Variants in C2CD2 observed in about 807,000 individuals in gnomAD.
The protein encoded by C2CD2 is C2 calcium dependent domain containing 2.
A neutral mutation model predicts 74.3 loss-of-function variants in C2CD2; 43 were observed. The ratio of observed to expected loss-of-function variants is 0.58; its 90% CI spans 0.45 to 0.75. The LOEUF (loss-of-function observed/expected upper bound fraction) is 0.75, where lower values mean the gene tolerates loss of function less well. C2CD2 is among the 30% of genes least tolerant of loss of function. The pLI, the probability that C2CD2 is intolerant of heterozygous loss-of-function variation, is 0.00. For synonymous variants in C2CD2, 422 were observed against 390.7 expected (o/e 1.08, Z -0.94); for missense variants, 801 against 916.3 (o/e 0.87, Z 1.63).
At chr21:41,902,521 T>C (rs573748708) in intron 11 of C2CD2, among the ~76,000 whole-genome samples, 1 of 152,358 alleles carries the variant, frequency 6.6e-6, no homozygotes, top group East Asian at 1.9e-4. Context: ...GCCCCAGAGC[T>C]GAGATGACCA....
rs2064972494 is a variant in C2CD2 at position 41,907,139 on chromosome 21, T to A, written c.1171A>T (p.Lys391Ter). The A allele has an allele frequency of 6.2e-7, 1 of 1,614,204 alleles. No individual in the cohort carries two copies. Among genetic ancestry groups the A allele is most frequent in the South Asian group, 1.1e-5 (1 of 91,084 alleles). Residue 391 changes from lysine (K) to a stop codon, truncating the protein, a stop_gained, in exon 10 of 14, where the codon AAA becomes TAA. Coordinates refer to ENST00000380486, the MANE Select transcript of C2CD2 (RefSeq NM_015500.2). LOFTEE classifies it high-confidence loss of function. Reference sequence around the variant, plus strand: ...ACAGGGGGAGGGATGGGCCAGGATTTCAATTCACCAGGTTCCATGTAAGAG... The same window carrying A: ...ACAGGGGGAGGGATGGGCCAGGATTACAATTCACCAGGTTCCATGTAAGAG... ...EFSYMEPGEL[K>*]SWPIPPPVPA...
In C2CD2 at chr21:41,942,258, G is replaced by A; in HGVS notation, c.280-13C>T. Reference sequence around the variant, plus strand: ...GGAAAGGTGGGCCCTGGAACAGAGGGGCAGCATGAGGAGGGCATGCACAGG... The same window carrying A: ...GGAAAGGTGGGCCCTGGAACAGAGGAGCAGCATGAGGAGGGCATGCACAGG... On this transcript the variant is annotated splice_polypyrimidine_tract_variant and intron_variant, in intron 1 of 13. Transcript: ENST00000380486. 1 of 1,543,214 alleles carries A rather than the reference G, an allele frequency of 6.5e-7. No individual in the cohort carries two copies. Among genetic ancestry groups the A allele is most frequent in the Non-Finnish European group, 8.8e-7 (1 of 1,140,740 alleles).
intron 5 of C2CD2, 26 bp downstream of exon 5, chr21:41,918,079 C>T (rs775180973): frequency 2.5e-6 from 4 of 1,613,342 alleles, no homozygotes; most frequent in African/African-American, 2.7e-5. Flanking sequence ...GGTTCAGATG[C>T]ACCCACAGCA....
At chr21:41,938,742 C>T (rs963656275) in intron 2 of C2CD2, among the ~76,000 whole-genome samples, 20 of 139,076 alleles carry the variant, frequency 1.4e-4, no homozygotes, top group Admixed American at 2.9e-4. Flanking sequence ...CTTGCTTTCT[C>T]TTTTTTTTTT....
chr21:41,909,596 T>C, intron 7 of C2CD2, 73 bp from the exon 8 acceptor site: 1 of 1,029,546 alleles, frequency 9.7e-7, no homozygotes, highest in Non-Finnish European at 1.5e-6. Flanking sequence ...AGAGTGTTTT[T>C]TCTGATTATA....
rs982112934 is a variant in C2CD2, at chr21:41,919,048, G to A, written c.493-88C>T. The A allele has an allele frequency of 7.9e-6, 6 of 756,946 alleles. No homozygotes were observed. The African/African-American group carries it at 1.1e-4, about 14-fold the overall frequency. 46.9% of individuals were successfully genotyped at this position (756,946 alleles called of 1,614,324 possible). ...TGTGCATGTGACTGTGTGAGCATGTGTGTGTGCATATATGCATGTGAGCAT... is the reference window on the plus strand; with the variant it reads ...TGTGCATGTGACTGTGTGAGCATGTATGTGTGCATATATGCATGTGAGCAT... On this transcript the variant is annotated intron_variant, in intron 3 of 13. Transcript: ENST00000380486.
intron 13 of C2CD2, among the ~76,000 whole-genome samples, chr21:41,893,698 CTTTTTTT>C (rs60305027): frequency 0.16 from 19,786 of 122,090 alleles, 1,538 homozygotes; most frequent in Middle Eastern, 0.27. Context: ...TGTTAAATTT[CTTTTTTT>C]TTTTTTTTTT....
At chr21:41,901,528 C>T (rs1569059201) in intron 12 of C2CD2, 94 bp downstream of exon 12, 1 of 1,317,562 alleles carries the variant, frequency 7.6e-7, no homozygotes. Context: ...TGGACGTTAA[C>T]CAAGTGCTTG....
At chr21:41,904,048 G>A (rs1474027553) in intron 11 of C2CD2, among the ~76,000 whole-genome samples, 1 of 152,092 alleles carries the variant, frequency 6.6e-6, no homozygotes, top group Non-Finnish European at 1.5e-5. Context: ...TTACTCACAG[G>A]GTGAGCTAGG....
chr21:41,922,210 G>A, intron 2 of C2CD2, 125 bp from the exon 3 acceptor site: 3 of 617,878 alleles, frequency 4.9e-6, no homozygotes, highest in Non-Finnish European at 8.6e-6. Flanking sequence ...CCAGGCTGGA[G>A]TGCAGTGGCG....
At chr21:41,911,904 G>C (rs2065030047) in intron 7 of C2CD2, among the ~76,000 whole-genome samples, 1 of 152,144 alleles carries the variant, frequency 6.6e-6, no homozygotes, top group African/African-American at 2.4e-5. Flanking sequence ...GTCTCGCTAT[G>C]TTGCTCAGGC....
chr21:41,931,623 A>G lies in C2CD2; in HGVS notation c.379-9538T>C, dbSNP rs953098953. ...ATGTTAGTAGAGACGGGGTTTCACCATGTTGGCCAGGATGGTCTTGATCCC... is the reference window on the plus strand; with the variant it reads ...ATGTTAGTAGAGACGGGGTTTCACCGTGTTGGCCAGGATGGTCTTGATCCC... On this transcript the variant is annotated intron_variant, in intron 2 of 13. Transcript: ENST00000380486. Among the ~76,000 whole-genome samples the G allele has an allele frequency of 4.0e-5, 6 of 149,690 alleles. 1 individual carries two copies. Among genetic ancestry groups the G allele is most frequent in the Non-Finnish European group, 7.5e-5 (5 of 66,764 alleles).
rs1333838671 is a variant in C2CD2 at position 41,899,252 on chromosome 21, A to C, written c.1671T>G (p.Ser557=). The C allele has an allele frequency of 1.2e-6, 2 of 1,612,124 alleles. No homozygotes were observed. The highest frequency in any genetic ancestry group is 2.7e-5 in the African/African-American group (2 of 74,874). ...APSHPERAAA[S]APPEEAESAQ... is the part of the protein sequence containing the mutation. ...CTGACTCGGCTTCCTCTGGCGGGGC[A>C]GAGGCTGCCGCCCTCTCCGGATGGG... Residue 557 remains serine, a synonymous_variant, in exon 13 of 14, where the codon TCT becomes TCG. Transcript: ENST00000380486. The surrounding 1 kb of genome is among the most constrained non-coding windows in gnomAD (Gnocchi z 4.4).
At chr21:41,893,458 G>A (rs184591336) in intron 13 of C2CD2, among the ~76,000 whole-genome samples, 3 of 152,314 alleles carry the variant, frequency 2.0e-5, no homozygotes, top group African/African-American at 7.2e-5. Context: ...CAGCCTGCAT[G>A]TAAAAAGATG....
At chr21:41,891,623 T>C (rs1302566518) in intron 13 of C2CD2, among the ~76,000 whole-genome samples, 1 of 152,136 alleles carries the variant, frequency 6.6e-6, no homozygotes, top group East Asian at 1.9e-4. Context: ...TATAGGCACC[T>C]GCACCTGCCT....
In C2CD2 at chr21:41,918,133, G is replaced by A. The variant is rs2146192455; in HGVS notation, c.692C>T (p.Thr231Ile). 4 of 1,614,156 alleles carry A rather than the reference G, an allele frequency of 2.5e-6. No individual in the cohort carries two copies. Among genetic ancestry groups the A allele is most frequent in the Non-Finnish European group, 3.4e-6 (4 of 1,180,018 alleles). The change falls in exon 5 of 14, where the codon ACC becomes ATC. Residue 231 changes from threonine (T) to isoleucine (I), a missense_variant. By Grantham distance (89) the Thr-to-Ile change is moderately conservative. Coordinates refer to ENST00000380486, the MANE Select transcript of C2CD2 (RefSeq NM_015500.2). ...AGCTTCCTTTACAGTCGTGGGCTTG[G>A]TAATCAGAACCACTGATGGAGAGGC... ...GSASPSVVLITKPTTVKEAQN... is the reference protein window; with the variant it reads ...GSASPSVVLIIKPTTVKEAQN...
At chr21:41,904,166 G>A (rs1037256433) in intron 11 of C2CD2, among the ~76,000 whole-genome samples, 17 of 152,164 alleles carry the variant, frequency 1.1e-4, no homozygotes, top group African/African-American at 3.6e-4. Flanking sequence ...AGTGACCTCT[G>A]GCTGTCCTCA....
chr21:41,951,170 G>T (rs1398542082), intron 1 of C2CD2, among the ~76,000 whole-genome samples: 2 of 152,152 alleles, frequency 1.3e-5, no homozygotes, highest in Non-Finnish European at 2.9e-5. Flanking sequence ...GGGCGGCCAG[G>T]AATGCAAACA....
intron 7 of C2CD2, among the ~76,000 whole-genome samples, chr21:41,911,453 A>G (rs545737384): frequency 4.8e-4 from 66 of 138,660 alleles, no homozygotes; most frequent in Admixed American, 3.9e-3. Flanking sequence ...GTGCAGTGGT[A>G]CAATCTCAGC....
Sources: allele counts gnomAD v4.1 joint callset (sites outside exome capture counted in the v4.1 genomes callset), GRCh38; gene constraint gnomAD v4.1.1; non-coding constraint Gnocchi (gnomAD v3.1); transcripts MANE v1.5; gene names NCBI Gene and HGNC (gene_info 2026-07-23, HGNC 2026-07-21).